The following SLC2A13 variants were observed in gnomAD, a reference collection of about 807,000 sequenced individuals.
SLC2A13 encodes solute carrier family 2 member 13, also known as proton myo-inositol cotransporter.
Under a neutral mutation model 64.4 loss-of-function variants are expected in SLC2A13, and 32 were observed. The observed-to-expected ratio is 0.50, with a 90% CI of 0.37 to 0.67. SLC2A13 has a LOEUF of 0.67. SLC2A13 is among the 30% of genes least tolerant of loss of function. The pLI, the probability that SLC2A13 is intolerant of heterozygous loss-of-function variation, is 0.00. For synonymous variants in SLC2A13, 338 were observed against 327.1 expected, an observed-to-expected ratio of 1.03 and a Z score of -0.36; for missense variants, 743 against 829.2, an observed-to-expected ratio of 0.90 and a Z score of 1.28.
intron 7 of SLC2A13, among the ~76,000 whole-genome samples, chr12:39,780,591 C>G (rs1241638253): frequency 6.6e-6 from 1 of 152,078 alleles, no homozygotes; most frequent in East Asian, 1.9e-4. Context: ...CCCAAAAGCT[C>G]AAAACAATAA....
chr12:39,960,032 A>T (rs2136112159), intron 3 of SLC2A13, among the ~76,000 whole-genome samples: 1 of 151,994 alleles, frequency 6.6e-6, no homozygotes, highest in East Asian at 1.9e-4. Flanking sequence ...TGTCCATATG[A>T]TTTTCTTAAA....
At chr12:39,778,383 C>T (rs1312084144) in intron 7 of SLC2A13, among the ~76,000 whole-genome samples, 1 of 152,062 alleles carries the variant, frequency 6.6e-6, no homozygotes, top group East Asian at 1.9e-4. Flanking sequence ...TGGGGGCCAG[C>T]TGTAGGGATG....
At chr12:39,900,223 C>T (rs1945050959) in intron 4 of SLC2A13, among the ~76,000 whole-genome samples, 1 of 152,148 alleles carries the variant, frequency 6.6e-6, no homozygotes, top group Non-Finnish European at 1.5e-5. Context: ...GACAACCCCA[C>T]AGCCAATATC....
chr12:39,770,442 G>T (rs1940521048), intron 7 of SLC2A13, among the ~76,000 whole-genome samples: 1 of 152,130 alleles, frequency 6.6e-6, no homozygotes, highest in South Asian at 2.1e-4. Flanking sequence ...TCATTCAAAA[G>T]CTTATATAAT....
At chr12:40,032,297 G>C (rs749368091) in intron 2 of SLC2A13, among the ~76,000 whole-genome samples, 1 of 152,168 alleles carries the variant, frequency 6.6e-6, no homozygotes, top group Non-Finnish European at 1.5e-5. Flanking sequence ...ACAAGCAAGC[G>C]CACCAGACAA....
chr12:39,896,432 GTA>G (rs1944892598), intron 4 of SLC2A13, among the ~76,000 whole-genome samples: 1 of 141,814 alleles, frequency 7.1e-6, no homozygotes, highest in Non-Finnish European at 1.5e-5. Flanking sequence ...GTGTATATAT[GTA>G]TACATATATG....
intron 4 of SLC2A13, among the ~76,000 whole-genome samples, chr12:39,942,028 G>A (rs1946036651): frequency 6.6e-6 from 1 of 152,108 alleles, no homozygotes; most frequent in African/African-American, 2.4e-5. Flanking sequence ...TTAAGGATTT[G>A]GGTTTATTTC....
At chr12:39,956,245 A>G (rs1946312448) in intron 3 of SLC2A13, among the ~76,000 whole-genome samples, 1 of 152,142 alleles carries the variant, frequency 6.6e-6, no homozygotes, top group Admixed American at 6.6e-5. Flanking sequence ...ACGTTCCCCC[A>G]AAGAAAACTC....
At chr12:39,930,171 CCTA>C (rs1592292301) in intron 4 of SLC2A13, among the ~76,000 whole-genome samples, 2 of 150,756 alleles carry the variant, frequency 1.3e-5, no homozygotes, top group East Asian at 3.9e-4. Flanking sequence ...GAATGTGGCA[CCTA>C]CTTACTACTA....
chr12:40,044,615 TA>T (rs1452016862), intron 2 of SLC2A13, among the ~76,000 whole-genome samples: 1 of 152,130 alleles, frequency 6.6e-6, no homozygotes, highest in East Asian at 1.9e-4. Flanking sequence ...GCCAGAAAAA[TA>T]GCAACATTGA....
intron 3 of SLC2A13, among the ~76,000 whole-genome samples, chr12:39,969,916 G>A (rs1380143392): frequency 1.4e-4 from 21 of 152,068 alleles, no homozygotes; most frequent in African/African-American, 5.1e-4. Flanking sequence ...TTTCTTCTAG[G>A]GTTTTTATGG....
intron 4 of SLC2A13, among the ~76,000 whole-genome samples, chr12:39,920,397 A>G (rs925051578): frequency 2.0e-5 from 3 of 152,142 alleles, no homozygotes; most frequent in Non-Finnish European, 1.5e-5. Flanking sequence ...GGCTTATAAT[A>G]TGGAACAGAG....
At chr12:39,771,632 C>T (rs1940581287) in intron 7 of SLC2A13, among the ~76,000 whole-genome samples, 1 of 152,112 alleles carries the variant, frequency 6.6e-6, no homozygotes, top group Non-Finnish European at 1.5e-5. Flanking sequence ...CATTCCTGAC[C>T]CACAGGAAGT....
chr12:40,092,362 T>C (rs980747990), intron 1 of SLC2A13, among the ~76,000 whole-genome samples: 2 of 152,198 alleles, frequency 1.3e-5, no homozygotes, highest in African/African-American at 4.8e-5. Flanking sequence ...AGAGTGCCAC[T>C]CCATTTGCTA....
chr12:39,814,498 T>C (rs964901402), intron 7 of SLC2A13, among the ~76,000 whole-genome samples: 5 of 152,198 alleles, frequency 3.3e-5, no homozygotes, highest in Non-Finnish European at 7.4e-5. Flanking sequence ...AACACTGTTA[T>C]AATTGTATAC....
At position 39,852,067 on chromosome 12, in the gene SLC2A13, C is replaced by T. The variant is rs555028382; in HGVS notation, c.1319+12695G>A. ...TTGTGGTTTAGAAAGGACTAAAACA[C>T]AGGTGTGTGTGAGGCTGGGTAAGGT... On this transcript the variant is annotated intron_variant, in intron 6 of 9. Coordinates refer to ENST00000280871, the MANE Select transcript of SLC2A13 (RefSeq NM_052885.4). Among the ~76,000 whole-genome samples, 8 of 152,262 alleles carry T rather than the reference C, an allele frequency of 5.3e-5. No homozygotes were observed. The East Asian group carries it at 1.5e-3, about 29-fold the overall frequency.
intron 1 of SLC2A13, among the ~76,000 whole-genome samples, chr12:40,053,490 T>G (rs1371509696): frequency 6.6e-6 from 1 of 152,092 alleles, no homozygotes; most frequent in Non-Finnish European, 1.5e-5. Flanking sequence ...CTGGGTGTCA[T>G]GCCTATGTGA....
At chr12:39,896,463 T>C (rs906661032) in intron 4 of SLC2A13, among the ~76,000 whole-genome samples, 5 of 144,130 alleles carry the variant, frequency 3.5e-5, no homozygotes, top group African/African-American at 1.3e-4. Flanking sequence ...TGTATATATG[T>C]ATACATATAT....
intron 6 of SLC2A13, among the ~76,000 whole-genome samples, chr12:39,863,898 A>G (rs1226325315): frequency 6.6e-6 from 1 of 152,204 alleles, no homozygotes; most frequent in African/African-American, 2.4e-5. Context: ...TTAATTTCAT[A>G]TAGGGTTGTA....
Sources: allele counts gnomAD v4.1 joint callset (sites outside exome capture counted in the v4.1 genomes callset), GRCh38; gene constraint gnomAD v4.1.1; transcripts MANE v1.5; gene names NCBI Gene and HGNC (gene_info 2026-07-23, HGNC 2026-07-21).